SCAPER: variants seen among roughly 807,000 people sequenced by gnomAD.
The protein encoded by SCAPER is S-phase cyclin A associated protein in the ER, also known as S phase cyclin A-associated protein in the endoplasmic reticulum.
A neutral mutation model predicts 182.2 loss-of-function variants in SCAPER; 98 were observed. That is an observed-to-expected ratio of 0.54 (90% confidence interval 0.46 to 0.64). The LOEUF (loss-of-function observed/expected upper bound fraction) is 0.64, where lower values mean the gene tolerates loss of function less well. Among genes scored for constraint, SCAPER ranks in the 30% least tolerant of loss-of-function variants. The probability of loss-of-function intolerance (pLI) is 0.00; values close to 1 mark genes in which losing one functional copy is unlikely to be tolerated. For synonymous variants in SCAPER, 605 were observed against 564.6 expected (o/e 1.07, Z -1.01); for missense variants, 1,432 against 1,690.0 (o/e 0.85, Z 2.68).
chr15:76,433,921 T>C (rs1390761696), intron 26 of SCAPER, among the ~76,000 whole-genome samples, 157 bp downstream of exon 26: 2 of 152,210 alleles, frequency 1.3e-5, no homozygotes, highest in East Asian at 3.8e-4. Context: ...AGGTGATAAA[T>C]CTGAGAAATA....
chr15:76,660,297 T>G (rs112630336), intron 21 of SCAPER, among the ~76,000 whole-genome samples: 27 of 152,312 alleles, frequency 1.8e-4, no homozygotes, highest in African/African-American at 6.5e-4. Context: ...CTATGCTTAT[T>G]ACCTGGATGA....
At chr15:76,481,126 A>G (rs2051103013) in intron 24 of SCAPER, among the ~76,000 whole-genome samples, 1 of 152,214 alleles carries the variant, frequency 6.6e-6, no homozygotes, top group Non-Finnish European at 1.5e-5. Context: ...TATTTTTTGT[A>G]GCTATCAGGA....
chr15:76,458,339 T>C (rs1168944561), intron 25 of SCAPER, among the ~76,000 whole-genome samples: 5 of 151,970 alleles, frequency 3.3e-5, no homozygotes. Flanking sequence ...GAAAATCATA[T>C]ATAGAGAGAG....
At chr15:76,448,930 C>G (rs1337254336) in intron 25 of SCAPER, among the ~76,000 whole-genome samples, 2 of 152,156 alleles carry the variant, frequency 1.3e-5, no homozygotes, top group Non-Finnish European at 2.9e-5. Context: ...GAGTTATCAT[C>G]TCTCTTCTAC....
intron 2 of SCAPER, among the ~76,000 whole-genome samples, chr15:76,868,130 A>G (rs1394205651): frequency 6.6e-6 from 1 of 152,120 alleles, no homozygotes; most frequent in Non-Finnish European, 1.5e-5. Flanking sequence ...ATAAACTACT[A>G]ATCTGTTGGT....
rs35003637 is a variant in SCAPER at position 76,779,711 on chromosome 15, T to TAA, written c.773-4596_773-4595dup. On this transcript the variant is annotated intron_variant, in intron 8 of 31. Coordinates refer to ENST00000563290, the MANE Select transcript of SCAPER (RefSeq NM_020843.4). ...TGCAAAGCTAATATTGTTACTCTGT[T>TAA]AAAAAAAAAAAATTACACAGTACAA... Among the ~76,000 whole-genome samples the TAA allele has an allele frequency of 2.0e-3, 296 of 149,138 alleles. 2 individuals carry two copies. Among genetic ancestry groups the TAA allele is most frequent in the South Asian group, 3.4e-3 (16 of 4,720 alleles).
intron 17 of SCAPER, among the ~76,000 whole-genome samples, chr15:76,716,522 T>C (rs562804133): frequency 6.6e-6 from 1 of 151,372 alleles, no homozygotes; most frequent in African/African-American, 2.4e-5. Flanking sequence ...CAAAGGAAAC[T>C]CAGTGAAACA....
intron 24 of SCAPER, among the ~76,000 whole-genome samples, chr15:76,494,907 G>A (rs2040351658): frequency 6.6e-6 from 1 of 152,188 alleles, no homozygotes; most frequent in South Asian, 2.1e-4. Context: ...ATAAGGTACA[G>A]AAGGAAGACC....
chr15:76,888,048 G>A (rs1192683768), intron 1 of SCAPER, among the ~76,000 whole-genome samples: 1 of 152,174 alleles, frequency 6.6e-6, no homozygotes, highest in African/African-American at 2.4e-5. Flanking sequence ...GTCTGGAGTG[G>A]ACCTCCAGCA....
chr15:76,488,713 CCTTTTTTT>C (rs1295483381), intron 24 of SCAPER, among the ~76,000 whole-genome samples: 1 of 59,582 alleles, frequency 1.7e-5, no homozygotes, highest in African/African-American at 5.7e-5. Context: ...CAGTACACTG[CCTTTTTTT>C]TTTTTTTTTT....
intron 22 of SCAPER, among the ~76,000 whole-genome samples, chr15:76,608,786 A>C (rs1170745387): frequency 6.6e-6 from 1 of 152,196 alleles, no homozygotes; most frequent in Non-Finnish European, 1.5e-5. Flanking sequence ...CTGTGCTAGC[A>C]ATGAGTGAGA....
chr15:76,450,335 G>C (rs1167807503), intron 25 of SCAPER, among the ~76,000 whole-genome samples: 1 of 152,174 alleles, frequency 6.6e-6, no homozygotes, highest in Non-Finnish European at 1.5e-5. Flanking sequence ...AGTGTAGTCT[G>C]AAAGAACAGA....
intron 20 of SCAPER, among the ~76,000 whole-genome samples, chr15:76,689,815 A>G (rs947335703): frequency 6.6e-6 from 1 of 152,086 alleles, no homozygotes; most frequent in African/African-American, 2.4e-5. Flanking sequence ...AAAAAAAACT[A>G]AACAGGGCAA....
chr15:76,383,073 AGT>A (rs1055859269), intron 27 of SCAPER, among the ~76,000 whole-genome samples: 144 of 140,444 alleles, frequency 1.0e-3, no homozygotes, highest in African/African-American at 3.4e-3. Context: ...AATCTGGGTT[AGT>A]GTGTGTATAG....
At chr15:76,810,488 C>T (rs1221011840) in intron 5 of SCAPER, among the ~76,000 whole-genome samples, 1 of 147,022 alleles carries the variant, frequency 6.8e-6, no homozygotes, top group African/African-American at 2.5e-5. Context: ...AAAGAAAATG[C>T]CTAAACAAAT....
intron 20 of SCAPER, among the ~76,000 whole-genome samples, chr15:76,689,111 G>A (rs1056097556): frequency 1.3e-5 from 2 of 151,974 alleles, no homozygotes; most frequent in Non-Finnish European, 2.9e-5. Flanking sequence ...GCCTTTCAAA[G>A]TGCTGGGATT....
intron 24 of SCAPER, among the ~76,000 whole-genome samples, chr15:76,481,842 T>A (rs774339703): frequency 2.0e-5 from 3 of 152,272 alleles, no homozygotes; most frequent in Non-Finnish European, 4.4e-5. Context: ...TGTCTGGATA[T>A]GTCTTTTACA....
chr15:76,734,772 C>G (rs769695269), intron 15 of SCAPER, among the ~76,000 whole-genome samples: 112 of 152,200 alleles, frequency 7.4e-4, no homozygotes, highest in Non-Finnish European at 1.3e-3. Flanking sequence ...ACTCAGGAGG[C>G]TGAGGCAGAG....
chr15:76,802,717 C>T (rs1305675014), intron 6 of SCAPER, among the ~76,000 whole-genome samples: 1 of 152,118 alleles, frequency 6.6e-6, no homozygotes. Flanking sequence ...ATAAAAGATG[C>T]CTTTTTTACT....
Sources: gnomAD v4.1 joint callset for allele counts (sites outside exome capture counted in the v4.1 genomes callset) on GRCh38, gnomAD v4.1.1 for gene constraint, MANE v1.5 for transcripts, NCBI Gene and HGNC (gene_info 2026-07-23, HGNC 2026-07-21) for gene names.